BBS9: variants seen among roughly 807,000 people sequenced by gnomAD.
BBS9 encodes the protein Bardet-Biedl syndrome 9.
BBS9 carries 89 observed loss-of-function variants against 117.7 expected under a neutral mutation model. The ratio of observed to expected loss-of-function variants is 0.76; its 90% confidence interval spans 0.64 to 0.90. The LOEUF (loss-of-function observed/expected upper bound fraction) is 0.90, where lower values mean the gene tolerates loss of function less well. BBS9 is among the 40% of genes least tolerant of loss of function. The pLI is 0.00. For missense variants in BBS9, 982 were observed against 1,042.2 expected (o/e 0.94, Z 0.80); for synonymous variants, 379 against 370.9 (o/e 1.02, Z -0.25).
chr7:33,272,765 A>C (rs1289471661), intron 7 of BBS9, among the ~76,000 whole-genome samples: 1 of 152,142 alleles, frequency 6.6e-6, no homozygotes, highest in East Asian at 1.9e-4. Context: ...TAAGTGTTTT[A>C]GTGTTCTTGA....
intron 19 of BBS9, among the ~76,000 whole-genome samples, chr7:33,420,605 T>C (rs1832713120): frequency 6.6e-6 from 1 of 152,172 alleles, no homozygotes; most frequent in South Asian, 2.1e-4. Context: ...TTTGATAGCA[T>C]AGCCGAGAAA....
chr7:33,160,120 A>G (rs1334198846), intron 4 of BBS9, among the ~76,000 whole-genome samples: 1 of 152,188 alleles, frequency 6.6e-6, no homozygotes, highest in Non-Finnish European at 1.5e-5. Flanking sequence ...AACTTTCATA[A>G]GAGAATACAA....
chr7:33,566,033 A>G (rs1856885626), intron 21 of BBS9, among the ~76,000 whole-genome samples: 1 of 150,696 alleles, frequency 6.6e-6, no homozygotes, highest in African/African-American at 2.4e-5. Flanking sequence ...TAACATCTGG[A>G]CCAGTTTTAT....
At chr7:33,498,616 T>G (rs2893469) in intron 19 of BBS9, among the ~76,000 whole-genome samples, 118,829 of 152,110 alleles carry the variant, frequency 0.78, 47,325 homozygotes, top group African/African-American at 0.94. Context: ...TACAATATGT[T>G]TTCCTTTGTC....
chr7:33,447,856 ATGT>A (rs1837221064), intron 19 of BBS9, among the ~76,000 whole-genome samples: 1 of 152,176 alleles, frequency 6.6e-6, no homozygotes, highest in East Asian at 1.9e-4. Flanking sequence ...AGATGGATAT[ATGT>A]TGTTCAGGTT....
At chr7:33,469,709 C>G (rs1474146809) in intron 19 of BBS9, among the ~76,000 whole-genome samples, 1 of 152,020 alleles carries the variant, frequency 6.6e-6, no homozygotes, top group Non-Finnish European at 1.5e-5. Context: ...GCACCTCACC[C>G]CACAACTTTC....
chr7:33,541,649 A>G (rs185338847), intron 21 of BBS9, among the ~76,000 whole-genome samples: 4 of 152,372 alleles, frequency 2.6e-5, no homozygotes, highest in African/African-American at 9.6e-5. Flanking sequence ...ACATACTACA[A>G]CATGGGTAAA....
At position 33,185,225 on chromosome 7, in the gene BBS9, A is replaced by G. The variant is rs112884738; in HGVS notation, c.442+7634A>G. Among the ~76,000 whole-genome samples, 7 of 151,600 alleles carry G rather than the reference A, an allele frequency of 4.6e-5. 1 individual carries two copies. Among genetic ancestry groups the G allele is most frequent in the African/African-American group, 1.7e-4 (7 of 41,282 alleles). ...GTCTTTGTGACTGTACCTTGTGCCA[A>G]CCTCCTGTCTTATCCTGTGACTTGG... On this transcript the variant is annotated intron_variant, in intron 5 of 22. Coordinates refer to ENST00000242067, the MANE Select transcript of BBS9 (RefSeq NM_198428.3).
At chr7:33,382,901 G>A (rs1358216810) in intron 17 of BBS9, among the ~76,000 whole-genome samples, 2 of 152,196 alleles carry the variant, frequency 1.3e-5, no homozygotes, top group African/African-American at 2.4e-5. Flanking sequence ...TGGCAAGTCT[G>A]TGAAACTCTC....
At chr7:33,392,349 G>A (rs982670736) in intron 19 of BBS9, among the ~76,000 whole-genome samples, 2 of 152,140 alleles carry the variant, frequency 1.3e-5, no homozygotes, top group South Asian at 2.1e-4. Flanking sequence ...GGCTCAGCTC[G>A]GGACTGGATA....
At chr7:33,547,462 A>G (rs1853585973) in intron 21 of BBS9, among the ~76,000 whole-genome samples, 1 of 152,218 alleles carries the variant, frequency 6.6e-6, no homozygotes, top group South Asian at 2.1e-4. Flanking sequence ...ATATACATAG[A>G]CTGAATAAAG....
At chr7:33,442,415 T>G (rs1213214066) in intron 19 of BBS9, among the ~76,000 whole-genome samples, 2 of 152,230 alleles carry the variant, frequency 1.3e-5, no homozygotes, top group Non-Finnish European at 2.9e-5. Context: ...AATACAGATA[T>G]GAACTTTTAA....
chr7:33,139,370 C>A (rs1477718254), intron 1 of BBS9, among the ~76,000 whole-genome samples: 2 of 150,944 alleles, frequency 1.3e-5, no homozygotes, highest in African/African-American at 4.8e-5. Flanking sequence ...TTGGAGGATT[C>A]TTTTGATTCT....
chr7:33,449,065 A>T lies in BBS9; in HGVS notation c.2116-56398A>T, dbSNP rs139308541. Among the ~76,000 whole-genome samples, 29 of 152,320 alleles carry T rather than the reference A, an allele frequency of 1.9e-4. No homozygotes were observed. In the East Asian group the frequency reaches 5.6e-3, roughly 29 times the overall value. On this transcript the variant is annotated intron_variant, in intron 19 of 22. Coordinates refer to ENST00000242067, the MANE Select transcript of BBS9 (RefSeq NM_198428.3). ...GCCAGTAGTCTGGTTCCAGAGTTTC[A>T]CTGCCTGTCAATAAATATTGAGATG...
At chr7:33,554,354 G>T (rs1854937247) in intron 21 of BBS9, among the ~76,000 whole-genome samples, 1 of 152,186 alleles carries the variant, frequency 6.6e-6, no homozygotes, top group Non-Finnish European at 1.5e-5. Flanking sequence ...AGCAGCTGAA[G>T]AGACTATTGT....
chr7:33,595,099 A>G (rs138209136), intron 21 of BBS9, among the ~76,000 whole-genome samples: 7 of 152,322 alleles, frequency 4.6e-5, no homozygotes, highest in African/African-American at 1.7e-4. Flanking sequence ...CCTAGAAGAA[A>G]GCCTAGGCAA....
intron 5 of BBS9, among the ~76,000 whole-genome samples, chr7:33,234,116 G>GT (rs1187071101): frequency 1.3e-4 from 20 of 152,202 alleles, no homozygotes; most frequent in African/African-American, 4.8e-4. Context: ...GGTGATCACA[G>GT]TGTTTGTGTT....
At chr7:33,224,429 G>A (rs1034676302) in intron 5 of BBS9, among the ~76,000 whole-genome samples, 1 of 152,178 alleles carries the variant, frequency 6.6e-6, no homozygotes, top group Non-Finnish European at 1.5e-5. Flanking sequence ...TTTGAAAGCA[G>A]TAACTTCATT....
intron 19 of BBS9, among the ~76,000 whole-genome samples, chr7:33,457,770 T>G (rs546456952): frequency 3.9e-5 from 6 of 152,114 alleles, no homozygotes; most frequent in Non-Finnish European, 8.8e-5. Flanking sequence ...CTGAAAAGAG[T>G]GTTAAAGACC....
Sources: gnomAD v4.1 joint callset for allele counts (sites outside exome capture counted in the v4.1 genomes callset) on GRCh38, gnomAD v4.1.1 for gene constraint, MANE v1.5 for transcripts, NCBI Gene and HGNC (gene_info 2026-07-23, HGNC 2026-07-21) for gene names.